The following FAM110A variants were observed in gnomAD, a reference collection of about 807,000 sequenced individuals.
FAM110A encodes protein FAM110A.
A neutral mutation model predicts 4.0 loss-of-function variants in FAM110A; 1 was observed. The observed-to-expected ratio is 0.25, with a 90% CI of 0.09 to 1.20. The LOEUF (loss-of-function observed/expected upper bound fraction) is 1.20, where lower values mean the gene tolerates loss of function less well. Ranked by LOEUF, FAM110A falls within the 50% of genes most tolerant of loss-of-function variation. The probability of loss-of-function intolerance (pLI) is 0.50; values close to 1 mark genes in which losing one functional copy is unlikely to be tolerated. For missense variants in FAM110A, 436 were observed against 429.2 expected (o/e 1.02, Z -0.14); for synonymous variants, 217 against 196.8 (o/e 1.10, Z -0.86).
chr20:845,230 G>A lies in FAM110A; in HGVS notation c.426G>A (p.Pro142=), dbSNP rs1473911218. Residue 142 remains proline (P), a synonymous_variant, in exon 2 of 2, where the codon CCG becomes CCA. Transcript: ENST00000381941. The stretch of plus-strand genomic sequence containing the variant: ...GCCGTCCTCCCCCAGCCACCCCTCC[G>A]CGACCGCCGCCCAGTACCTCTGCGG... ...GAGRPPPATP[P]RPPPSTSAVR... 5.2e-6 allele frequency: 8 copies of A among 1,532,448 alleles called. No individual in the cohort carries two copies. The Admixed American group carries it at 8.1e-5, about 15-fold the overall frequency. 94.9% of individuals were successfully genotyped at this position (1,532,448 alleles called of 1,614,324 possible).
Position 845,907 on chromosome 20 carries a change from C to A in FAM110A, c.*215C>A. ...TCTTGGCTTTGGACACCTGAGAACCCCCTCCTCCCCTCCCCCAATACAAGG... is the reference window on the plus strand; with the variant it reads ...TCTTGGCTTTGGACACCTGAGAACCACCTCCTCCCCTCCCCCAATACAAGG... On this transcript the variant is annotated 3_prime_UTR_variant, in exon 2 of 2. Coordinates refer to ENST00000381941, the MANE Select transcript of FAM110A (RefSeq NM_001042353.3). 2.2e-6 allele frequency: 2 copies of A among 915,386 alleles called. No individual in the cohort carries two copies. The highest frequency in any genetic ancestry group is 1.7e-5 in the African/African-American group (1 of 58,778). 56.7% of individuals were successfully genotyped at this position (915,386 alleles called of 1,614,324 possible).
In FAM110A at chr20:840,660, A is replaced by G. The variant is rs560242000; in HGVS notation, c.-97-4048A>G. Among the ~76,000 whole-genome samples the G allele has an allele frequency of 6.6e-6, 1 of 152,308 alleles. No individual in the cohort carries two copies. Among genetic ancestry groups the G allele is most frequent in the East Asian group, 1.9e-4 (1 of 5,176 alleles). On this transcript the variant is annotated intron_variant, in intron 1 of 1. Coordinates refer to ENST00000381941, the MANE Select transcript of FAM110A (RefSeq NM_001042353.3). This position sits in a 1 kb window ranked among gnomAD's most constrained non-coding sequence, Gnocchi z 4.4. ...GGCATGCTCAGGCTCAGCCTGTTCC[A>G]GAGGGATGGACTCTACACGTGACAG...
chr20:840,934 C>G lies in FAM110A; in HGVS notation c.-97-3774C>G, dbSNP rs566954899. ...TACCAAGAAAAACACTTTCCCGTGCCTGGCACAGTGAACATCACCTGGCGG... is the reference window on the plus strand; with the variant it reads ...TACCAAGAAAAACACTTTCCCGTGCGTGGCACAGTGAACATCACCTGGCGG... On this transcript the variant is annotated intron_variant, in intron 1 of 1. Transcript: ENST00000381941. This position sits in a 1 kb window ranked among gnomAD's most constrained non-coding sequence, Gnocchi z 4.4. Among the ~76,000 whole-genome samples the G allele has an allele frequency of 6.6e-6, 1 of 152,358 alleles. No homozygotes were observed. The highest frequency in any genetic ancestry group is 1.5e-5 in the Non-Finnish European group (1 of 68,026).
intron 1 of FAM110A, chr20:841,447 G>A: frequency 6.6e-6 from 1 of 152,378 alleles, no homozygotes; most frequent in Non-Finnish European, 1.5e-5. Flanking sequence ...GGATGGTGCC[G>A]CTCTCTCCCT....
chr20:839,280 A>G (rs1313825648), intron 1 of FAM110A, among the ~76,000 whole-genome samples: 1 of 152,208 alleles, frequency 6.6e-6, no homozygotes, highest in Non-Finnish European at 1.5e-5. Flanking sequence ...CTCATCTGAA[A>G]ATGGGCATAA....
In FAM110A at chr20:844,705, CAGCAGTGGCCGGTGT is replaced by C; in HGVS notation, c.-97-2_-85del. 1 of 1,320,314 alleles carries C rather than the reference CAGCAGTGGCCGGTGT, an allele frequency of 7.6e-7. No homozygotes were observed. The highest frequency in any genetic ancestry group is 2.1e-5 in the South Asian group (1 of 48,608). The allele number at this position is 1,320,314 out of a possible 1,614,324, so 81.8% of individuals were successfully genotyped here. A position where few individuals can be genotyped will look rare whatever the true frequency, so the allele number is the denominator to read the frequency against. The stretch of plus-strand genomic sequence containing the variant: ...TTTTTTTTTTCTCTCTCCTTCCCTG[CAGCAGTGGCCGGTGT>C]CCAGCTGCCTACTTTCTGCCCGGAT... On this transcript the variant is annotated splice_acceptor_variant and 5_prime_UTR_variant, in exon 2 of 2. Coordinates refer to ENST00000381941, the MANE Select transcript of FAM110A (RefSeq NM_001042353.3). LOFTEE classifies it low-confidence loss of function (5UTR_SPLICE).
intron 1 of FAM110A, among the ~76,000 whole-genome samples, chr20:835,164 ATC>A (rs143746608): frequency 0.14 from 19,557 of 135,970 alleles, 1,546 homozygotes; most frequent in East Asian, 0.31. Flanking sequence ...CAGTCCTCCC[ATC>A]TCTCTCTCTC....
intron 1 of FAM110A, among the ~76,000 whole-genome samples, chr20:835,171 T>TCC (rs1255131877): frequency 2.1e-5 from 2 of 95,230 alleles, no homozygotes; most frequent in East Asian, 4.7e-4. Context: ...CCCATCTCTC[T>TCC]CTCTCTCTCT....
intron 1 of FAM110A, chr20:841,321 G>C (rs1600010067): frequency 6.6e-6 from 1 of 152,486 alleles, no homozygotes; most frequent in East Asian, 1.9e-4. Context: ...AGCCGGGTAC[G>C]TGCGGACCGC....
In FAM110A at chr20:845,225, C is replaced by A; in HGVS notation, c.421C>A (p.Pro141Thr). Residue 141 changes from proline to threonine, a missense_variant, in exon 2 of 2, where the codon CCT becomes ACT. Transcript: ENST00000381941. ...AGCCGGCCGTCCTCCCCCAGCCACC[C>A]CTCCGCGACCGCCGCCCAGTACCTC... ...EGAGRPPPAT[P>T]PRPPPSTSAV... 2.0e-6 allele frequency: 3 copies of A among 1,537,660 alleles called. No homozygotes were observed. The highest frequency in any genetic ancestry group is 2.6e-6 in the Non-Finnish European group (3 of 1,144,384).
In FAM110A at chr20:845,212, TC is replaced by T; in HGVS notation, c.413del (p.Pro138GlnfsTer54). The part of the protein sequence containing the change: ...PGRAEGAGRP[P>X]PATPPRPPPS... ...GACGGGCCGAGGGAGCCGGCCGTCC[TC>T]CCCCAGCCACCCCTCCGCGACCGCC... is the stretch of plus-strand genomic sequence containing the variant. On this transcript the variant is annotated frameshift_variant, in exon 2 of 2. Coordinates refer to ENST00000381941, the MANE Select transcript of FAM110A (RefSeq NM_001042353.3). LOFTEE classifies it low-confidence loss of function (END_TRUNC). 1.3e-6 allele frequency: 2 copies of T among 1,546,590 alleles called. No homozygotes were observed. The highest frequency in any genetic ancestry group is 1.7e-6 in the Non-Finnish European group (2 of 1,150,008).
chr20:836,409 G>A (rs931669830), intron 1 of FAM110A, among the ~76,000 whole-genome samples: 9 of 152,150 alleles, frequency 5.9e-5, no homozygotes, highest in Non-Finnish European at 1.2e-4. Context: ...CTGTTTGAGT[G>A]AATTTGACTA....
intron 1 of FAM110A, among the ~76,000 whole-genome samples, chr20:843,115 G>A (rs189159473): frequency 3.9e-5 from 6 of 152,240 alleles, no homozygotes; most frequent in Non-Finnish European, 7.4e-5. Flanking sequence ...GAATAGTGCC[G>A]GGAGGGGGTC....
intron 1 of FAM110A, among the ~76,000 whole-genome samples, chr20:842,055 A>G (rs1277769634): frequency 6.6e-6 from 1 of 152,242 alleles, no homozygotes; most frequent in African/African-American, 2.4e-5. Context: ...TGCCGAGGAA[A>G]GCCCTCGACC....
At position 845,622 on chromosome 20, in the gene FAM110A, G is replaced by T. The variant is rs868662309; in HGVS notation, c.818G>T (p.Arg273Leu). 2.5e-6 allele frequency: 4 copies of T among 1,614,062 alleles called. No homozygotes were observed. Among genetic ancestry groups the T allele is most frequent in the Non-Finnish European group, 3.4e-6 (4 of 1,180,040 alleles). ...RVPYGVSVVE[R>L]NARVIKWLYG... ...CCCTATGGCGTGTCGGTGGTGGAGCGCAATGCCCGCGTGATCAAGTGGTTG... is the reference window on the plus strand; with the variant it reads ...CCCTATGGCGTGTCGGTGGTGGAGCTCAATGCCCGCGTGATCAAGTGGTTG... The change falls in exon 2 of 2, where the codon CGC becomes CTC. Residue 273 changes from arginine to leucine, a missense_variant. Physicochemically the swap from Arg to Leu is moderately radical, Grantham distance 102. Transcript: ENST00000381941.
chr20:839,449 A>T (rs1420203866), intron 1 of FAM110A: 1 of 743,564 alleles, frequency 1.3e-6, no homozygotes, highest in East Asian at 2.7e-5. Context: ...CTCCAATTTT[A>T]TTGAGGTGGC....
intron 1 of FAM110A, among the ~76,000 whole-genome samples, chr20:839,290 A>G (rs1037355051): frequency 1.3e-5 from 2 of 152,196 alleles, no homozygotes; most frequent in Non-Finnish European, 2.9e-5. Context: ...AATGGGCATA[A>G]TAATAGTAGC....
chr20:844,258 A>C (rs1330293096), intron 1 of FAM110A, among the ~76,000 whole-genome samples: 1 of 152,196 alleles, frequency 6.6e-6, no homozygotes, highest in African/African-American at 2.4e-5. Flanking sequence ...TCAGGGGCAG[A>C]GCCACCTACT....
rs543006563 is a variant in FAM110A, at chr20:837,484, T to C, written c.-98+3533T>C. On this transcript the variant is annotated intron_variant, in intron 1 of 1. Transcript: ENST00000381941. ...TGGATGATCTATTTGGTTGAATAGT[T>C]ATCATAGCCTGCACTTTGGTGACAT... Among the ~76,000 whole-genome samples the C allele has an allele frequency of 3.9e-5, 6 of 152,344 alleles. No individual in the cohort carries two copies. In the East Asian group the frequency reaches 1.2e-3, roughly 29 times the overall value.
Sources: gnomAD v4.1 joint callset for allele counts (sites outside exome capture counted in the v4.1 genomes callset) on GRCh38, gnomAD v4.1.1 for gene constraint, Gnocchi (gnomAD v3.1) non-coding constraint, MANE v1.5 for transcripts, NCBI Gene and HGNC (gene_info 2026-07-23, HGNC 2026-07-21) for gene names.